The following DOCK9 variants were observed in gnomAD, a reference collection of about 807,000 sequenced individuals.
DOCK9 encodes dedicator of cytokinesis 9.
In DOCK9, 89 loss-of-function variants were observed where a neutral mutation model predicts 263.3. That is an observed-to-expected ratio of 0.34 (90% CI 0.28 to 0.40). The LOEUF (loss-of-function observed/expected upper bound fraction) is 0.40, where lower values mean the gene tolerates loss of function less well. Ranked by LOEUF, DOCK9 falls within the 10% of genes least tolerant of loss-of-function variation. DOCK9 has a pLI of 1.00. For missense variants in DOCK9, 2,140 were observed against 2,603.4 expected (o/e 0.82, Z 3.87); for synonymous variants, 976 against 973.1 (o/e 1.00, Z -0.06).
chr13:98,826,999 C>A, intron 43 of DOCK9, 112 bp from the exon 44 acceptor site: 1 of 699,254 alleles, frequency 1.4e-6, no homozygotes. Context: ...GATCTCAATG[C>A]ACCAGCTAGT....
Position 98,868,361 on chromosome 13 carries a change from C to A in DOCK9, c.2960G>T (p.Arg987Ile). 1.9e-6 allele frequency: 3 copies of A among 1,611,986 alleles called. No individual in the cohort carries two copies. Among genetic ancestry groups the A allele is most frequent in the Non-Finnish European group, 2.5e-6 (3 of 1,179,166 alleles). Residue 987 changes from arginine to isoleucine, a missense_variant, in exon 28 of 53, where the codon AGA becomes ATA. Physicochemically the swap from Arg to Ile is moderately conservative, Grantham distance 97. Coordinates refer to ENST00000682017, the MANE Select transcript of DOCK9 (RefSeq NM_001366683.2). ...TGCATGATGATAGGATGCAGGAAAT[C>A]TCTGGTTTCGCAGCAACTAAAAAGA... ...NSKVKLLRNQRFPASYHHAVE... is the reference protein window; with the variant it reads ...NSKVKLLRNQIFPASYHHAVE...
intron 38 of DOCK9, among the ~76,000 whole-genome samples, chr13:98,841,318 C>G (rs1479036142): frequency 2.0e-5 from 3 of 152,140 alleles, no homozygotes; most frequent in African/African-American, 7.2e-5. Flanking sequence ...GAAAGTGGGA[C>G]CTCATATGAA....
chr13:98,961,538 G>A (rs769319910), intron 1 of DOCK9, among the ~76,000 whole-genome samples: 1 of 152,198 alleles, frequency 6.6e-6, no homozygotes, highest in African/African-American at 2.4e-5. Flanking sequence ...TAACTGGGGG[G>A]CCACCTCCCT....
At chr13:99,056,702 C>T (rs984404357) in intron 1 of DOCK9, among the ~76,000 whole-genome samples, 3 of 152,174 alleles carry the variant, frequency 2.0e-5, no homozygotes, top group Non-Finnish European at 4.4e-5. Flanking sequence ...CCCGGCACCT[C>T]CCTTTCCCTG....
chr13:99,049,545 T>C (rs562938614), intron 1 of DOCK9, among the ~76,000 whole-genome samples: 1 of 151,990 alleles, frequency 6.6e-6, no homozygotes, highest in Admixed American at 6.6e-5. Flanking sequence ...TTAAACAGGG[T>C]CTTGCTCTGT....
intron 52 of DOCK9, among the ~76,000 whole-genome samples, chr13:98,795,763 CTT>C (rs11449176): frequency 4.1e-4 from 60 of 145,830 alleles, no homozygotes; most frequent in African/African-American, 3.8e-4. Flanking sequence ...TTTTTTTCTA[CTT>C]TTTTTTTTTT....
chr13:99,016,623 G>A (rs1440519291), intron 1 of DOCK9, among the ~76,000 whole-genome samples: 1 of 152,122 alleles, frequency 6.6e-6, no homozygotes, highest in Non-Finnish European at 1.5e-5. Flanking sequence ...ACTACCTCAC[G>A]TGAATCTCTG....
chr13:98,837,220 C>T (rs1283115610), intron 39 of DOCK9, among the ~76,000 whole-genome samples: 14 of 152,144 alleles, frequency 9.2e-5, no homozygotes, highest in Admixed American at 8.5e-4. Context: ...CCTCAAGGTT[C>T]GAGCCAAGAG....
intron 25 of DOCK9, among the ~76,000 whole-genome samples, chr13:98,880,906 C>T (rs1276276899): frequency 1.3e-5 from 2 of 151,806 alleles, no homozygotes; most frequent in African/African-American, 4.9e-5. Flanking sequence ...CCAGCCAGCC[C>T]GTAACTCCAC....
intron 39 of DOCK9, among the ~76,000 whole-genome samples, chr13:98,832,491 G>A (rs1339185477): frequency 1.3e-5 from 2 of 152,106 alleles, no homozygotes; most frequent in Non-Finnish European, 2.9e-5. Flanking sequence ...GACATTCGTG[G>A]ATTTTACTTA....
chr13:98,796,983 G>C, intron 52 of DOCK9, 132 bp downstream of exon 52: 1 of 914,450 alleles, frequency 1.1e-6, no homozygotes, highest in Middle Eastern at 3.3e-4. Context: ...AGCATGGCAG[G>C]AGTGTGGTAT....
chr13:99,072,231 G>A (rs559852071), intron 1 of DOCK9, among the ~76,000 whole-genome samples: 3 of 152,134 alleles, frequency 2.0e-5, no homozygotes, highest in Admixed American at 1.3e-4. Context: ...AGACTTTCAT[G>A]ATGTTCTATT....
chr13:98,852,150 T>C (rs2093592769), intron 35 of DOCK9, among the ~76,000 whole-genome samples: 2 of 152,212 alleles, frequency 1.3e-5, no homozygotes, highest in Non-Finnish European at 2.9e-5. Flanking sequence ...AAAAACAGAA[T>C]TATAATGCTC....
intron 9 of DOCK9, among the ~76,000 whole-genome samples, chr13:98,908,304 G>C (rs1407155907): frequency 3.3e-5 from 5 of 152,050 alleles, no homozygotes; most frequent in Non-Finnish European, 5.9e-5. Flanking sequence ...TAGCCTTTTG[G>C]GACGGTAACC....
chr13:98,807,830 A>G, intron 47 of DOCK9, 23 bp from the exon 48 acceptor site: 1 of 1,595,342 alleles, frequency 6.3e-7, no homozygotes, highest in African/African-American at 1.3e-5. Context: ...GCACAATTAG[A>G]GCTATCCCTG....
rs2092437321 is a variant in DOCK9 at position 98,824,402 on chromosome 13, T to C, written c.5126A>G (p.Asn1709Ser). Residue 1709 changes from asparagine (N) to serine (S), a missense_variant, in exon 45 of 53, where the codon AAC becomes AGC. Coordinates refer to ENST00000682017, the MANE Select transcript of DOCK9 (RefSeq NM_001366683.2). ...CACATGAGTTCAAGCACGCACCTCG[T>C]TGAAATGGACATCCTGCATCCCCAC... ...EDVGMQDVHF[N>S]EDVLMELLEQ... 4.3e-6 allele frequency: 7 copies of C among 1,613,658 alleles called. No individual in the cohort carries two copies. The highest frequency in any genetic ancestry group is 5.9e-6 in the Non-Finnish European group (7 of 1,179,732).
At position 98,829,472 on chromosome 13, in the gene DOCK9, C is replaced by T. The variant is rs373342050; in HGVS notation, c.4800G>A (p.Thr1600=). 2.7e-5 allele frequency: 44 copies of T among 1,613,778 alleles called. No individual in the cohort carries two copies. The highest frequency in any genetic ancestry group is 1.6e-4 in the East Asian group (7 of 44,888). The change falls in exon 43 of 53, where the codon ACG becomes ACA. Residue 1600 remains threonine, a synonymous_variant. Coordinates refer to ENST00000682017, the MANE Select transcript of DOCK9 (RefSeq NM_001366683.2). This position sits in a 1 kb window ranked among gnomAD's most constrained non-coding sequence, Gnocchi z 4.1. ...DVKDLTKRIR[T]VLMATAQMKE... ...TCATCTGGGCGGTGGCCATTAGCACCGTGCGTATCCTTTTGGTTAAGTCCT... is the reference window on the plus strand; with the variant it reads ...TCATCTGGGCGGTGGCCATTAGCACTGTGCGTATCCTTTTGGTTAAGTCCT...
chr13:98,807,841 AACGTAAGCCCAG>A, intron 47 of DOCK9, 34 bp from the exon 48 acceptor site: 1 of 1,582,580 alleles, frequency 6.3e-7, no homozygotes, highest in Non-Finnish European at 8.6e-7. Flanking sequence ...GCTATCCCTG[AACGTAAGCCCAG>A]GGCTTACCAC....
intron 1 of DOCK9, among the ~76,000 whole-genome samples, chr13:99,053,358 A>G (rs2040788703): frequency 6.6e-6 from 1 of 152,226 alleles, no homozygotes; most frequent in Non-Finnish European, 1.5e-5. Flanking sequence ...TCCCATGCAA[A>G]TCACGTTTTG....
Sources: gnomAD v4.1 joint callset for allele counts (sites outside exome capture counted in the v4.1 genomes callset) on GRCh38, gnomAD v4.1.1 for gene constraint, Gnocchi (gnomAD v3.1) non-coding constraint, MANE v1.5 for transcripts, NCBI Gene and HGNC (gene_info 2026-07-23, HGNC 2026-07-21) for gene names.